The following BDP1 variants were observed in gnomAD, a reference collection of about 807,000 sequenced individuals.
BDP1 encodes BDP1 general transcription factor IIIB subunit.
A neutral mutation model predicts 266.6 loss-of-function variants in BDP1; 169 were observed. The observed-to-expected ratio is 0.63, with a 90% CI of 0.56 to 0.72. The LOEUF is 0.72. Ranked by LOEUF, BDP1 falls within the 30% of genes least tolerant of loss-of-function variation. BDP1 has a pLI of 0.00. For missense variants in BDP1, 3,015 were observed against 3,053.8 expected (o/e 0.99, Z 0.30); for synonymous variants, 1,090 against 1,022.4 (o/e 1.07, Z -1.26).
intron 11 of BDP1, among the ~76,000 whole-genome samples, chr5:71,493,523 G>T (rs1357983494): frequency 6.6e-6 from 1 of 152,144 alleles, no homozygotes; most frequent in Admixed American, 6.5e-5. Context: ...ACTGTGTCTG[G>T]CCCTAGCTTT....
intron 30 of BDP1, 29 bp downstream of exon 30, chr5:71,542,294 A>G: frequency 6.4e-7 from 1 of 1,556,104 alleles, no homozygotes; most frequent in South Asian, 1.2e-5. Context: ...ATATGTTGCA[A>G]AATCATTTTG....
At chr5:71,459,857 C>G (rs1244190635) in intron 2 of BDP1, among the ~76,000 whole-genome samples, 1 of 152,130 alleles carries the variant, frequency 6.6e-6, no homozygotes, top group Non-Finnish European at 1.5e-5. Flanking sequence ...GTTTTGAGTG[C>G]CAAAGTGATG....
chr5:71,560,272 CTCTG>C (rs1561793084), intron 37 of BDP1, 35 bp downstream of exon 37: 1 of 1,598,956 alleles, frequency 6.3e-7, no homozygotes, highest in South Asian at 1.1e-5. Flanking sequence ...GTGTTTTGCT[CTCTG>C]TCTTAATAAA....
At chr5:71,562,168 A>G (rs919568601) in intron 37 of BDP1, 106 bp from the exon 38 acceptor site, 19 of 1,177,010 alleles carry the variant, frequency 1.6e-5, no homozygotes, top group African/African-American at 3.5e-5. Flanking sequence ...ACTGCACTCC[A>G]GCCTGGGTGA....
intron 9 of BDP1, 59 bp downstream of exon 9, chr5:71,486,686 G>T (rs935866338): frequency 1.8e-5 from 25 of 1,369,356 alleles, no homozygotes; most frequent in Non-Finnish European, 2.4e-5. Context: ...TTGCAATATT[G>T]TCCCTCAGGC....
At chr5:71,557,375 A>AGT (rs1271614964) in intron 36 of BDP1, among the ~76,000 whole-genome samples, 1 of 103,350 alleles carries the variant, frequency 9.7e-6, no homozygotes, top group Non-Finnish European at 1.8e-5. Context: ...TGCCAAGCTA[A>AGT]TTTTTTTTTT....
chr5:71,495,826 G>A (rs1226279449), intron 12 of BDP1, among the ~76,000 whole-genome samples: 1 of 152,100 alleles, frequency 6.6e-6, no homozygotes, highest in Non-Finnish European at 1.5e-5. Flanking sequence ...GGTTAAATTA[G>A]TATCTTCCCA....
the BDP1 span, among the ~76,000 whole-genome samples, chr5:71,574,352 G>T: frequency 3.9e-5 from 6 of 152,266 alleles, no homozygotes; most frequent in African/African-American, 1.4e-4. Context: ...TCATCAGAAT[G>T]GCACCCCCCT....
intron 16 of BDP1, among the ~76,000 whole-genome samples, chr5:71,505,521 A>G (rs889998429): frequency 1.3e-5 from 2 of 152,198 alleles, no homozygotes; most frequent in African/African-American, 4.8e-5. Context: ...GAGGGTACCA[A>G]GCCAGACTGA....
Position 71,525,453 on chromosome 5 carries a change from A to C in BDP1, c.5772+1130A>C, listed in dbSNP as rs1303639526. Among the ~76,000 whole-genome samples the C allele has an allele frequency of 2.7e-3, 139 of 50,604 alleles. 4 individuals are homozygous for C. Among genetic ancestry groups the C allele is most frequent in the African/African-American group, 3.2e-3 (40 of 12,580 alleles). The allele number at this position is 50,604 out of a possible 152,430, so 33.2% of individuals were successfully genotyped here. ...GCCGGGCGGGGGGCTGACACCCCCC[A>C]CCTCCCTCCCGGACGGGGCGGCTGG... On this transcript the variant is annotated intron_variant, in intron 25 of 38. Coordinates refer to ENST00000358731, the MANE Select transcript of BDP1 (RefSeq NM_018429.3).
intron 8 of BDP1, among the ~76,000 whole-genome samples, chr5:71,485,457 A>G (rs765384918): frequency 3.9e-5 from 6 of 152,232 alleles, no homozygotes; most frequent in Non-Finnish European, 8.8e-5. Flanking sequence ...GTGGAGAGTC[A>G]GAACAAATGA....
intron 1 of BDP1, among the ~76,000 whole-genome samples, chr5:71,457,986 G>T (rs1761302729): frequency 6.6e-6 from 1 of 152,142 alleles, no homozygotes; most frequent in African/African-American, 2.4e-5. Context: ...TCTGATGGCT[G>T]TATAAGTAGA....
In BDP1 at chr5:71,466,016, T is replaced by A. The variant is rs551210448; in HGVS notation, c.660-80T>A. 112 of 1,436,070 alleles carry A rather than the reference T, an allele frequency of 7.8e-5. No individual in the cohort carries two copies. In the South Asian group the frequency reaches 1.5e-3, roughly 19 times the overall value. The allele number at this position is 1,436,070 out of a possible 1,614,324, so 89.0% of individuals were successfully genotyped here. On this transcript the variant is annotated intron_variant, in intron 4 of 38. Coordinates refer to ENST00000358731, the MANE Select transcript of BDP1 (RefSeq NM_018429.3). ...GGAAATAGCTAGAAGGTTGAGTTTG[T>A]AATCATTTATTTTAAGTTTTATACT...
intron 22 of BDP1, among the ~76,000 whole-genome samples, chr5:71,520,265 TTTGTTGA>T (rs1170305608): frequency 6.6e-6 from 1 of 152,190 alleles, no homozygotes; most frequent in Non-Finnish European, 1.5e-5. Flanking sequence ...GTCTCTTCAC[TTTGTTGA>T]TTGTTCCCTG....
In BDP1 at chr5:71,515,078, T is replaced by G; in HGVS notation, c.4605T>G (p.Ser1535=). 6.2e-7 allele frequency: 1 copy of G among 1,612,494 alleles called. No individual in the cohort carries two copies. Among genetic ancestry groups the G allele is most frequent in the Non-Finnish European group, 8.5e-7 (1 of 1,179,432 alleles). ...PSNSCEPKEE[S]QSAPVQKNDS... is the part of the protein sequence containing the mutation. Reference sequence around the variant, plus strand: ...ATTCTTGTGAACCTAAAGAGGAGTCTCAGTCAGCACCAGTCCAGAAAAATG... The same window carrying G: ...ATTCTTGTGAACCTAAAGAGGAGTCGCAGTCAGCACCAGTCCAGAAAAATG... The change falls in exon 20 of 39, where the codon TCT becomes TCG. Residue 1535 remains serine, a synonymous_variant. Coordinates refer to ENST00000358731, the MANE Select transcript of BDP1 (RefSeq NM_018429.3).
rs1766977194 is a variant in BDP1, at chr5:71,541,649, T to C, written c.6218T>C (p.Met2073Thr). The C allele has an allele frequency of 6.2e-7, 1 of 1,609,230 alleles. No individual in the cohort carries two copies. The highest frequency in any genetic ancestry group is 1.3e-5 in the African/African-American group (1 of 74,746). Residue 2073 changes from methionine to threonine, a missense_variant, in exon 29 of 39, where the codon ATG becomes ACG. Transcript: ENST00000358731. ...AGTTCCAGAGAAGAAATAAGTTTAA[T>C]GGAGAAAGTAAAGGAGAATGCTACA... ...EQSSREEISL[M>T]EKVKENATPT...
rs1262987288 is a variant in BDP1, at chr5:71,524,986, G to T, written c.5772+663G>T. Among the ~76,000 whole-genome samples, 1,485 of 151,618 alleles carry T rather than the reference G, an allele frequency of 9.8e-3. 22 individuals carry two copies. Among genetic ancestry groups the T allele is most frequent in the African/African-American group, 0.034 (1,397 of 41,344 alleles). On this transcript the variant is annotated intron_variant, in intron 25 of 38. Coordinates refer to ENST00000358731, the MANE Select transcript of BDP1 (RefSeq NM_018429.3). ...AGATCAACAGGATCCCAAGGCAGAA[G>T]AATTTTTCTTAGTACAGAACAAAAT...
At chr5:71,471,022 AT>A (rs1762210214) in intron 7 of BDP1, among the ~76,000 whole-genome samples, 1 of 150,948 alleles carries the variant, frequency 6.6e-6, no homozygotes, top group African/African-American at 2.4e-5. Context: ...TATCTTCTTC[AT>A]TTCTAAAATG....
intron 25 of BDP1, among the ~76,000 whole-genome samples, chr5:71,525,574 T>C (rs1323245259): frequency 3.9e-5 from 3 of 77,170 alleles, no homozygotes; most frequent in Non-Finnish European, 5.8e-5. Flanking sequence ...ATGGGGCGGC[T>C]GGCCGGGCGG....
Sources: gnomAD v4.1 joint callset for allele counts (sites outside exome capture counted in the v4.1 genomes callset) on GRCh38, gnomAD v4.1.1 for gene constraint, MANE v1.5 for transcripts, NCBI Gene and HGNC (gene_info 2026-07-23, HGNC 2026-07-21) for gene names.